Variants in GRIP1 observed in about 807,000 individuals in gnomAD.
The protein encoded by GRIP1 is glutamate receptor interacting protein 1.
A neutral mutation model predicts 129.9 loss-of-function variants in GRIP1; 45 were observed. The observed-to-expected ratio is 0.35, with a 90% confidence interval of 0.27 to 0.44. The LOEUF (loss-of-function observed/expected upper bound fraction) is 0.44, where lower values mean the gene tolerates loss of function less well. Among genes scored for constraint, GRIP1 ranks in the 20% least tolerant of loss-of-function variants. The pLI is 1.00. For missense variants in GRIP1, 1,196 were observed against 1,396.8 expected, an observed-to-expected ratio of 0.86 and a Z score of 2.29; for synonymous variants, 530 against 520.8, an observed-to-expected ratio of 1.02 and a Z score of -0.24.
intron 1 of GRIP1, among the ~76,000 whole-genome samples, chr12:67,005,551 A>C (rs551633485): frequency 6.6e-6 from 1 of 152,324 alleles, no homozygotes; most frequent in South Asian, 2.1e-4. Context: ...AGAAAAATGA[A>C]GTCAAGCTAC....
intron 7 of GRIP1, among the ~76,000 whole-genome samples, chr12:66,476,580 A>G (rs1301071940): frequency 6.6e-6 from 1 of 152,210 alleles, no homozygotes; most frequent in Non-Finnish European, 1.5e-5. Context: ...ACAAAAAAAG[A>G]GAATTTTAGA....
At chr12:66,518,166 A>G (rs2060900627) in intron 5 of GRIP1, among the ~76,000 whole-genome samples, 190 bp from the exon 6 acceptor site, 1 of 152,170 alleles carries the variant, frequency 6.6e-6, no homozygotes, top group African/African-American at 2.4e-5. Context: ...TGAAGTCACC[A>G]TTTCTCCATC....
At chr12:66,498,968 G>A (rs2060314637) in intron 7 of GRIP1, among the ~76,000 whole-genome samples, 1 of 152,156 alleles carries the variant, frequency 6.6e-6, no homozygotes, top group South Asian at 2.1e-4. Context: ...TGGGGGAAAG[G>A]TATTATTTAA....
At chr12:66,951,487 A>C (rs1265498995) in intron 1 of GRIP1, among the ~76,000 whole-genome samples, 2 of 152,120 alleles carry the variant, frequency 1.3e-5, no homozygotes, top group Non-Finnish European at 2.9e-5. Context: ...TTGTGACATG[A>C]GGTTGGAGGG....
At chr12:66,418,077 C>CA (rs1038610330) in intron 15 of GRIP1, among the ~76,000 whole-genome samples, 4 of 151,848 alleles carry the variant, frequency 2.6e-5, no homozygotes, top group African/African-American at 4.8e-5. Flanking sequence ...ATGGCACTGA[C>CA]AAAAAAACAC....
intron 1 of GRIP1, among the ~76,000 whole-genome samples, chr12:66,790,871 G>C (rs2038510511): frequency 6.6e-6 from 1 of 152,068 alleles, no homozygotes; most frequent in Non-Finnish European, 1.5e-5. Flanking sequence ...AAGGGCCAGT[G>C]CTGAACCCCA....
At chr12:66,672,361 T>C (rs991165730) in intron 1 of GRIP1, among the ~76,000 whole-genome samples, 1 of 152,176 alleles carries the variant, frequency 6.6e-6, no homozygotes, top group African/African-American at 2.4e-5. Flanking sequence ...ATTTAGGTGG[T>C]CATCATTGAC....
rs183154819 is a variant in GRIP1, at chr12:66,997,969, C to T, written c.58+71081G>A. 1.4e-3 allele frequency among the ~76,000 whole-genome samples: 211 copies of T among 151,890 alleles called. 2 individuals are homozygous for T. Among genetic ancestry groups the T allele is most frequent in the African/African-American group, 4.5e-3 (186 of 41,396 alleles). On this transcript the variant is annotated intron_variant, in intron 1 of 1. Transcript: ENST00000643019. ...CAAAAAATTTCATTTAAAAAAAATC[C>T]AAAAGCAATATCCATAATTTGCAAA...
At chr12:67,060,924 T>C (rs2043523073) in intron 1 of GRIP1, among the ~76,000 whole-genome samples, 1 of 151,726 alleles carries the variant, frequency 6.6e-6, no homozygotes. Flanking sequence ...AGAATAATGA[T>C]CTTTTGGATA....
At chr12:66,667,051 C>A (rs1388396440) in intron 1 of GRIP1, among the ~76,000 whole-genome samples, 1 of 152,092 alleles carries the variant, frequency 6.6e-6, no homozygotes, top group Admixed American at 6.5e-5. Context: ...GCTTAGAGCT[C>A]AAAGGGCCCT....
Position 66,379,254 on chromosome 12 carries a change from GA to G in GRIP1, c.2621+25del, listed in dbSNP as rs781539547. 4.3e-6 allele frequency: 7 copies of G among 1,609,338 alleles called. No individual in the cohort carries two copies. In the South Asian group the frequency reaches 7.7e-5, roughly 18 times the overall value. ...ACATGACCATGCAGTCATCTTGGAT[GA>G]GGCAGCATTGGTTGAAAACCTTACC... is the stretch of plus-strand genomic sequence containing the variant. On this transcript the variant is annotated intron_variant, in intron 20 of 24. Transcript: ENST00000359742.
chr12:66,395,798 C>T (rs1330425646), intron 16 of GRIP1, among the ~76,000 whole-genome samples: 1 of 152,156 alleles, frequency 6.6e-6, no homozygotes, highest in Non-Finnish European at 1.5e-5. Context: ...TGAGAAGCTC[C>T]CATATCAAGC....
intron 2 of GRIP1, among the ~76,000 whole-genome samples, chr12:66,552,769 G>C (rs1407376871): frequency 6.6e-6 from 1 of 152,186 alleles, no homozygotes; most frequent in Non-Finnish European, 1.5e-5. Context: ...CTGTGCATCA[G>C]GGGCATTTAT....
intron 24 of GRIP1, 45 bp from the exon 25 acceptor site, chr12:66,349,291 A>C: frequency 6.8e-7 from 1 of 1,476,706 alleles, no homozygotes; most frequent in Non-Finnish European, 9.5e-7. Context: ...TTGTAACCAT[A>C]ATTCCCAAAA....
chr12:66,763,679 A>G (rs543343193), intron 1 of GRIP1, among the ~76,000 whole-genome samples: 9 of 152,228 alleles, frequency 5.9e-5, no homozygotes, highest in Non-Finnish European at 1.0e-4. Flanking sequence ...GAAATAAAAC[A>G]TAGATTAATG....
intron 1 of GRIP1, among the ~76,000 whole-genome samples, chr12:66,872,320 G>A (rs1425007894): frequency 6.6e-6 from 1 of 152,018 alleles, no homozygotes; most frequent in Non-Finnish European, 1.5e-5. Context: ...ATGTTCATCA[G>A]GCAACAGCAC....
chr12:66,726,361 T>C (rs1056782257), intron 1 of GRIP1, among the ~76,000 whole-genome samples: 1 of 152,188 alleles, frequency 6.6e-6, no homozygotes, highest in African/African-American at 2.4e-5. Flanking sequence ...AAATTATCAC[T>C]CTATGAGTTG....
chr12:66,569,843 G>C (rs2062897585), intron 2 of GRIP1, among the ~76,000 whole-genome samples: 1 of 152,146 alleles, frequency 6.6e-6, no homozygotes, highest in African/African-American at 2.4e-5. Context: ...TTATGGGAAA[G>C]TATCAACAGA....
chr12:66,737,094 T>C (rs2036628082), intron 1 of GRIP1, among the ~76,000 whole-genome samples: 1 of 152,094 alleles, frequency 6.6e-6, no homozygotes, highest in African/African-American at 2.4e-5. Context: ...TTGAATAAAT[T>C]ATGGGGCTAA....
Sources: allele counts gnomAD v4.1 joint callset (sites outside exome capture counted in the v4.1 genomes callset), GRCh38; gene constraint gnomAD v4.1.1; transcripts MANE v1.5; gene names NCBI Gene and HGNC (gene_info 2026-07-23, HGNC 2026-07-21).